Variants in GRM8 observed in about 807,000 individuals in gnomAD.
GRM8 encodes the protein glutamate metabotropic receptor 8.
GRM8 carries 47 observed loss-of-function variants against 87.2 expected under a neutral mutation model. The observed-to-expected ratio is 0.54, with a 90% CI of 0.43 to 0.69. The LOEUF (loss-of-function observed/expected upper bound fraction) is 0.69, where lower values mean the gene tolerates loss of function less well. Ranked by LOEUF, GRM8 falls within the 30% of genes least tolerant of loss-of-function variation. The pLI, the probability that GRM8 is intolerant of heterozygous loss-of-function variation, is 0.00. For synonymous variants in GRM8, 396 were observed against 404.5 expected (o/e 0.98, Z 0.25); for missense variants, 1,019 against 1,139.2 (o/e 0.89, Z 1.52).
intron 8 of GRM8, among the ~76,000 whole-genome samples, chr7:126,606,003 A>G (rs1798306595): frequency 6.6e-6 from 1 of 152,232 alleles, no homozygotes; most frequent in African/African-American, 2.4e-5. Context: ...ACAGAGTATG[A>G]GCACAGACTG....
chr7:126,844,461 T>C (rs767773366), intron 6 of GRM8, among the ~76,000 whole-genome samples: 5 of 152,196 alleles, frequency 3.3e-5, no homozygotes, highest in Non-Finnish European at 5.9e-5. Flanking sequence ...TCTTTAAATG[T>C]CCAAGTCCTT....
chr7:126,979,349 T>C (rs1197825351), intron 3 of GRM8, among the ~76,000 whole-genome samples: 1 of 152,218 alleles, frequency 6.6e-6, no homozygotes, highest in African/African-American at 2.4e-5. Flanking sequence ...TTTCAAAATC[T>C]AATAAAAATT....
chr7:126,598,028 G>A (rs1797374473), intron 8 of GRM8, among the ~76,000 whole-genome samples: 2 of 151,958 alleles, frequency 1.3e-5, no homozygotes, highest in African/African-American at 4.8e-5. Context: ...CCTTCTAGCT[G>A]ACTATATTTT....
intron 7 of GRM8, among the ~76,000 whole-genome samples, chr7:126,739,025 G>C (rs1379020338): frequency 1.3e-5 from 2 of 152,084 alleles, no homozygotes; most frequent in Admixed American, 1.3e-4. Context: ...TTGGTACAGG[G>C]AGGAAGAAAA....
chr7:126,580,996 T>C (rs753409778), intron 8 of GRM8, among the ~76,000 whole-genome samples: 4 of 151,954 alleles, frequency 2.6e-5, no homozygotes, highest in Non-Finnish European at 5.9e-5. Flanking sequence ...TAACATTCCC[T>C]AAACTTATTT....
intron 2 of GRM8, among the ~76,000 whole-genome samples, chr7:127,149,695 C>A (rs973174393): frequency 6.6e-6 from 1 of 152,004 alleles, no homozygotes; most frequent in South Asian, 2.1e-4. Context: ...GCTTAAGAAA[C>A]CGTGGTACAA....
chr7:126,924,528 C>T (rs913074683), intron 3 of GRM8, among the ~76,000 whole-genome samples: 3 of 152,176 alleles, frequency 2.0e-5, no homozygotes, highest in African/African-American at 4.8e-5. Context: ...CCTCTACCAA[C>T]TCATATCCAC....
At chr7:126,922,065 A>G (rs114632998) in intron 3 of GRM8, among the ~76,000 whole-genome samples, 2,109 of 152,282 alleles carry the variant, frequency 0.014, 46 homozygotes, top group African/African-American at 0.048. Context: ...GGGCTGTTTG[A>G]GGTGTTTGGA....
At chr7:126,977,822 G>A (rs1811160704) in intron 3 of GRM8, among the ~76,000 whole-genome samples, 1 of 152,172 alleles carries the variant, frequency 6.6e-6, no homozygotes, top group Non-Finnish European at 1.5e-5. Flanking sequence ...ATTTGTAGAA[G>A]GGAGAGTGGC....
chr7:126,704,396 G>A (rs1810265618), intron 7 of GRM8, among the ~76,000 whole-genome samples: 1 of 152,096 alleles, frequency 6.6e-6, no homozygotes, highest in South Asian at 2.1e-4. Flanking sequence ...TGTGATGATT[G>A]TGTTAACTGC....
At chr7:127,011,953 C>T (rs558026068) in intron 3 of GRM8, among the ~76,000 whole-genome samples, 29 of 152,230 alleles carry the variant, frequency 1.9e-4, no homozygotes, top group African/African-American at 5.8e-4. Flanking sequence ...ATATCAGCCA[C>T]CTGTGAATCG....
chr7:126,860,643 G>GCGGCAGA (rs1371769460), intron 6 of GRM8, among the ~76,000 whole-genome samples: 1 of 152,044 alleles, frequency 6.6e-6, no homozygotes, highest in Non-Finnish European at 1.5e-5. Flanking sequence ...ATTTTACCCA[G>GCGGCAGA]TTTGTAGATA....
At chr7:127,240,424 C>CAA (rs11305864) in intron 2 of GRM8, among the ~76,000 whole-genome samples, 17,718 of 141,220 alleles carry the variant, frequency 0.13, 1,339 homozygotes, top group Middle Eastern at 0.25. Context: ...GATTCTATGG[C>CAA]AAAAAAAAAA....
At chr7:126,955,163 C>A (rs569372771) in intron 3 of GRM8, among the ~76,000 whole-genome samples, 2 of 152,196 alleles carry the variant, frequency 1.3e-5, no homozygotes, top group South Asian at 4.1e-4. Flanking sequence ...ACATTTATTA[C>A]TAGCCTTTTT....
intron 7 of GRM8, among the ~76,000 whole-genome samples, chr7:126,705,539 T>A (rs1305987314): frequency 2.0e-5 from 3 of 152,168 alleles, no homozygotes; most frequent in Non-Finnish European, 2.9e-5. Flanking sequence ...TCTGTGTACG[T>A]GTGTGTACAT....
intron 7 of GRM8, among the ~76,000 whole-genome samples, chr7:126,766,327 G>A (rs1160449870): frequency 1.3e-5 from 2 of 152,040 alleles, no homozygotes; most frequent in African/African-American, 2.4e-5. Context: ...CCTCCACACC[G>A]ATAACGTGGT....
intron 9 of GRM8, among the ~76,000 whole-genome samples, chr7:126,454,506 A>AT (rs36011802): frequency 0.15 from 22,965 of 148,278 alleles, 2,090 homozygotes; most frequent in African/African-American, 0.25. Context: ...TAAAAGTGCT[A>AT]TTTTTTTTTT....
At chr7:127,072,182 C>T (rs1337879513) in intron 3 of GRM8, among the ~76,000 whole-genome samples, 1 of 152,142 alleles carries the variant, frequency 6.6e-6, no homozygotes, top group African/African-American at 2.4e-5. Flanking sequence ...TCACCCTGTA[C>T]ACCCAACTAC....
intron 2 of GRM8, among the ~76,000 whole-genome samples, chr7:127,110,197 G>C (rs529872369): frequency 6.6e-6 from 1 of 152,116 alleles, no homozygotes; most frequent in East Asian, 1.9e-4. Flanking sequence ...TTTTCTAACT[G>C]TGCCCACACT....
Sources: allele counts gnomAD v4.1 joint callset (sites outside exome capture counted in the v4.1 genomes callset), GRCh38; gene constraint gnomAD v4.1.1; transcripts MANE v1.5; gene names NCBI Gene and HGNC (gene_info 2026-07-23, HGNC 2026-07-21).